Variants in ESYT3 observed in about 807,000 individuals in gnomAD.
The protein encoded by ESYT3 is extended synaptotagmin 3.
In ESYT3, 101 loss-of-function variants were observed where a neutral mutation model predicts 111.5. The ratio of observed to expected loss-of-function variants is 0.91; its 90% CI spans 0.77 to 1.07. The LOEUF (loss-of-function observed/expected upper bound fraction) is 1.07. Ranked by LOEUF, ESYT3 falls within the 50% of genes least tolerant of loss-of-function variation. ESYT3 has a pLI of 0.00. For synonymous variants in ESYT3, 416 were observed against 446.8 expected, an observed-to-expected ratio of 0.93 and a Z score of 0.87; for missense variants, 1,097 against 1,109.4, an observed-to-expected ratio of 0.99 and a Z score of 0.16.
At chr3:138,451,256 GCTATGTGA>G (rs1301344407) in intron 1 of ESYT3, among the ~76,000 whole-genome samples, 1 of 152,196 alleles carries the variant, frequency 6.6e-6, no homozygotes, top group Non-Finnish European at 1.5e-5. Context: ...GTAGTTGGAA[GCTATGTGA>G]CTATAGGAAG....
intron 16 of ESYT3, 178 bp downstream of exon 16, chr3:138,470,324 G>C: frequency 7.4e-7 from 1 of 1,342,416 alleles, no homozygotes; most frequent in Non-Finnish European, 9.6e-7. Context: ...TAGTGCCTGA[G>C]GTCACTGTAT....
chr3:138,439,965 A>G (rs1349629938), intron 1 of ESYT3, among the ~76,000 whole-genome samples: 1 of 152,092 alleles, frequency 6.6e-6, no homozygotes, highest in East Asian at 1.9e-4. Flanking sequence ...AGTGGAAGTC[A>G]TTGGAGTCAT....
At chr3:138,471,144 C>A (rs2033199785) in intron 17 of ESYT3, 118 bp downstream of exon 17, 1 of 781,776 alleles carries the variant, frequency 1.3e-6, no homozygotes. Flanking sequence ...GAGATGGATT[C>A]ATGTTTTTCA....
intron 20 of ESYT3, among the ~76,000 whole-genome samples, chr3:138,475,688 G>C (rs1560249258): frequency 1.3e-5 from 2 of 152,236 alleles, no homozygotes. Flanking sequence ...AGCACTTTGG[G>C]AGGCTGCGGC....
chr3:138,463,986 T>C (rs2032787299), intron 8 of ESYT3, among the ~76,000 whole-genome samples: 1 of 152,194 alleles, frequency 6.6e-6, no homozygotes. Context: ...GGAGTCTACA[T>C]GTAGGACACA....
At chr3:138,468,518 T>A (rs745966259) in intron 12 of ESYT3, 137 bp from the exon 13 acceptor site, 112 of 823,024 alleles carry the variant, frequency 1.4e-4, no homozygotes, top group Non-Finnish European at 1.9e-4. Flanking sequence ...AAATGCTAGG[T>A]TGTGAGAGGT....
intron 3 of ESYT3, among the ~76,000 whole-genome samples, chr3:138,456,013 G>A (rs969549770): frequency 1.3e-5 from 2 of 152,236 alleles, no homozygotes; most frequent in Non-Finnish European, 2.9e-5. Flanking sequence ...GAGAGGCACT[G>A]GCATCCGGTC....
rs1006265174 is a variant in ESYT3, at chr3:138,478,649, C to T, written c.*1795C>T. The T allele has an allele frequency of 6.6e-6, 1 of 152,120 alleles. No individual in the cohort carries two copies. The highest frequency in any genetic ancestry group is 2.4e-5 in the African/African-American group (1 of 41,430). 9.4% of individuals were successfully genotyped at this position (152,120 alleles called of 1,614,324 possible). A position where few individuals can be genotyped will look rare whatever the true frequency, so the allele number is the denominator to read the frequency against. ...TTGAACCGTTTTTACCTGTGTCAGG[C>T]AACACAGGTAAATACCTGGTGATGG... is the stretch of plus-strand genomic sequence containing the variant. On this transcript the variant is annotated 3_prime_UTR_variant, in exon 23 of 23. Coordinates refer to ENST00000389567, the MANE Select transcript of ESYT3 (RefSeq NM_031913.5).
chr3:138,459,650 G>T (rs1228583071), intron 5 of ESYT3, among the ~76,000 whole-genome samples: 2 of 152,226 alleles, frequency 1.3e-5, no homozygotes, highest in African/African-American at 2.4e-5. Context: ...GTTCCTGCTG[G>T]CTGGGCCAGC....
intron 7 of ESYT3, 47 bp downstream of exon 7, chr3:138,460,713 T>C: frequency 6.3e-7 from 1 of 1,591,888 alleles, no homozygotes; most frequent in Non-Finnish European, 8.6e-7. Flanking sequence ...TTTGGGGGCC[T>C]CCAGGGCTCT....
In ESYT3 at chr3:138,457,639, G is replaced by A. The variant is rs1240184273; in HGVS notation, c.576G>A (p.Gln192=). The change falls in exon 4 of 23, where the codon CAG becomes CAA. Residue 192 remains glutamine, a synonymous_variant. Coordinates refer to ENST00000389567, the MANE Select transcript of ESYT3 (RefSeq NM_031913.5). ...CNRRRVTVDL[Q]ICYIGDCEIS... ...GAAGACGTGTGACTGTGGACCTGCA[G>A]ATCTGGTGAGCTCTATCGGGCTGGG... 3.7e-6 allele frequency: 6 copies of A among 1,614,076 alleles called. No individual in the cohort carries two copies. In the East Asian group the frequency reaches 8.9e-5, roughly 24 times the overall value.
At chr3:138,476,659 A>C (rs1306977176) in intron 22 of ESYT3, among the ~76,000 whole-genome samples, 159 bp from the exon 23 acceptor site, 1 of 152,218 alleles carries the variant, frequency 6.6e-6, no homozygotes, top group African/African-American at 2.4e-5. Flanking sequence ...AGACACCTGT[A>C]AACTCTAGCC....
At chr3:138,454,020 G>A (rs527777294) in intron 2 of ESYT3, among the ~76,000 whole-genome samples, 16 of 152,332 alleles carry the variant, frequency 1.1e-4, no homozygotes, top group South Asian at 6.2e-4. Flanking sequence ...GCAATGACAC[G>A]TCTGGTAATG....
Position 138,470,949 on chromosome 3 carries a change from G to A in ESYT3, c.1663G>A (p.Asp555Asn). 1 of 1,614,146 alleles carries A rather than the reference G, an allele frequency of 6.2e-7. No individual in the cohort carries two copies. Among genetic ancestry groups the A allele is most frequent in the Non-Finnish European group, 8.5e-7 (1 of 1,180,028 alleles). Residue 555 changes from aspartate to asparagine, a missense_variant, in exon 17 of 23, where the codon GAC becomes AAC. Coordinates refer to ENST00000389567, the MANE Select transcript of ESYT3 (RefSeq NM_031913.5). Reference sequence around the variant, plus strand: ...CCTGTGCCAGATCCTCCCCTATGCTGACCTCACTCTTGAGCAGCGCTTTCA... The same window carrying A: ...CCTGTGCCAGATCCTCCCCTATGCTAACCTCACTCTTGAGCAGCGCTTTCA... Reference protein sequence around the residue: ...VPLCQILPYADLTLEQRFQLD... With the variant: ...VPLCQILPYANLTLEQRFQLD...
chr3:138,435,578 C>G lies in ESYT3; in HGVS notation c.327+453C>G, dbSNP rs944243156. ...CAGAAACGGCGGGCCCAGTTGCTTTCGGCCGAGGCCTGGACTGCGGTAGGG... is the reference window on the plus strand; with the variant it reads ...CAGAAACGGCGGGCCCAGTTGCTTTGGGCCGAGGCCTGGACTGCGGTAGGG... On this transcript the variant is annotated intron_variant, in intron 1 of 22. Coordinates refer to ENST00000389567, the MANE Select transcript of ESYT3 (RefSeq NM_031913.5). This position sits in a 1 kb window ranked among gnomAD's most constrained non-coding sequence, Gnocchi z 4.8. Among the ~76,000 whole-genome samples, 1 of 152,164 alleles carries G rather than the reference C, an allele frequency of 6.6e-6. No individual in the cohort carries two copies. The highest frequency in any genetic ancestry group is 2.4e-5 in the African/African-American group (1 of 41,440).
Position 138,434,956 on chromosome 3 carries a change from G to C in ESYT3, c.158G>C (p.Gly53Ala). The change falls in exon 1 of 23, where the codon GGC becomes GCC. Residue 53 changes from glycine (G) to alanine (A), a missense_variant. Transcript: ENST00000389567. ...LFYLGPVYLA[G>A]YLGLSITWLL... ...TACCTGGGGCCTGTCTACCTAGCTGGCTACCTGGGGCTCAGCATAACCTGG... is the reference window on the plus strand; with the variant it reads ...TACCTGGGGCCTGTCTACCTAGCTGCCTACCTGGGGCTCAGCATAACCTGG... The C allele has an allele frequency of 1.9e-6, 3 of 1,554,000 alleles. No individual in the cohort carries two copies. In the East Asian group the frequency reaches 7.2e-5, roughly 38 times the overall value.
intron 10 of ESYT3, among the ~76,000 whole-genome samples, chr3:138,466,114 A>G (rs1480619001): frequency 6.6e-6 from 1 of 152,188 alleles, no homozygotes; most frequent in Non-Finnish European, 1.5e-5. Context: ...CCCATTATGA[A>G]GTGGGGGAGA....
chr3:138,467,233 A>C (rs749796760), intron 10 of ESYT3, among the ~76,000 whole-genome samples: 1 of 152,162 alleles, frequency 6.6e-6, no homozygotes, highest in Non-Finnish European at 1.5e-5. Context: ...GTAGTTTTGC[A>C]CAATGAAGAA....
Position 138,460,504 on chromosome 3 carries a change from G to A in ESYT3, c.739-107G>A, listed in dbSNP as rs1048434568. 9.7e-6 allele frequency: 12 copies of A among 1,240,974 alleles called. No individual in the cohort carries two copies. In the African/African-American group the frequency reaches 1.0e-4, roughly 11 times the overall value. 76.9% of individuals were successfully genotyped at this position (1,240,974 alleles called of 1,614,324 possible). On this transcript the variant is annotated intron_variant, in intron 6 of 22. Coordinates refer to ENST00000389567, the MANE Select transcript of ESYT3 (RefSeq NM_031913.5). ...CTGCTTTCCTCCGAACCCCCACCCT[G>A]GAAGGCTGGGTTCTCCATTCACATG...
Sources: gnomAD v4.1 joint callset for allele counts (sites outside exome capture counted in the v4.1 genomes callset) on GRCh38, gnomAD v4.1.1 for gene constraint, Gnocchi (gnomAD v3.1) non-coding constraint, MANE v1.5 for transcripts, NCBI Gene and HGNC (gene_info 2026-07-23, HGNC 2026-07-21) for gene names.